SWT1: variants seen among roughly 807,000 people sequenced by gnomAD.
The protein encoded by SWT1 is SWT1 RNA endoribonuclease homolog, also known as transcriptional protein SWT1.
A neutral mutation model predicts 107.3 loss-of-function variants in SWT1; 33 were observed. That is an observed-to-expected ratio of 0.31 (90% CI 0.23 to 0.41). SWT1 has a LOEUF of 0.41. Ranked by LOEUF, SWT1 falls within the 10% of genes least tolerant of loss-of-function variation. The pLI, the probability that SWT1 is intolerant of heterozygous loss-of-function variation, is 1.00. For missense variants in SWT1, 898 were observed against 1,028.9 expected, an observed-to-expected ratio of 0.87 and a Z score of 1.74; for synonymous variants, 345 against 348.3, an observed-to-expected ratio of 0.99 and a Z score of 0.11.
chr1:185,207,454 A>G (rs1421330890), intron 13 of SWT1, among the ~76,000 whole-genome samples: 4 of 152,224 alleles, frequency 2.6e-5, no homozygotes, highest in East Asian at 1.9e-4. Context: ...TGGAGATTCT[A>G]TATAGGACTT....
chr1:185,287,273 C>T lies in SWT1; in HGVS notation c.2574-3401C>T, dbSNP rs569316221. Among the ~76,000 whole-genome samples, 20 of 152,084 alleles carry T rather than the reference C, an allele frequency of 1.3e-4. No individual in the cohort carries two copies. In the East Asian group the frequency reaches 2.1e-3, roughly 16 times the overall value. On this transcript the variant is annotated intron_variant, in intron 18 of 18. Coordinates refer to ENST00000367500, the MANE Select transcript of SWT1 (RefSeq NM_017673.7). ...GATAAAATTTCTAGTTATTTTGACC[C>T]GAGATTTGGTCAAAGCAAATTTGAT...
chr1:185,195,931 A>T (rs977331393), intron 10 of SWT1, among the ~76,000 whole-genome samples: 1 of 152,314 alleles, frequency 6.6e-6, no homozygotes, highest in East Asian at 1.9e-4. Flanking sequence ...AATTTCTCAC[A>T]TTCTGTAGGT....
At chr1:185,259,105 T>C (rs917643663) in intron 16 of SWT1, among the ~76,000 whole-genome samples, 1 of 152,148 alleles carries the variant, frequency 6.6e-6, no homozygotes, top group African/African-American at 2.4e-5. Flanking sequence ...ACATAATACC[T>C]TTATGTTACT....
intron 2 of SWT1, among the ~76,000 whole-genome samples, chr1:185,162,278 T>C (rs1654215999): frequency 6.6e-6 from 1 of 152,230 alleles, no homozygotes; most frequent in Non-Finnish European, 1.5e-5. Context: ...GTTTCTGTGT[T>C]GCTAAATCCA....
At chr1:185,232,664 A>G (rs1257826754) in intron 16 of SWT1, among the ~76,000 whole-genome samples, 3 of 152,146 alleles carry the variant, frequency 2.0e-5, no homozygotes, top group East Asian at 3.9e-4. Context: ...AGCAGTTTCC[A>G]TTTTATCTGA....
At chr1:185,276,555 C>G (rs1257548834) in intron 17 of SWT1, 49 bp from the exon 18 acceptor site, 10 of 1,128,308 alleles carry the variant, frequency 8.9e-6, no homozygotes, top group Non-Finnish European at 1.3e-5. Context: ...TTGCTGTCAT[C>G]ACTCACTTTA....
intron 1 of SWT1, among the ~76,000 whole-genome samples, chr1:185,158,770 A>G (rs1312865622): frequency 6.6e-6 from 1 of 152,210 alleles, no homozygotes; most frequent in Non-Finnish European, 1.5e-5. Context: ...GCTACTGCAT[A>G]AGTTATACCA....
intron 3 of SWT1, among the ~76,000 whole-genome samples, chr1:185,166,896 A>T (rs1654620839): frequency 6.6e-6 from 1 of 152,020 alleles, no homozygotes; most frequent in African/African-American, 2.4e-5. Context: ...TCTCACATAT[A>T]TATGGTTTTA....
chr1:185,240,420 AGAGG>A (rs1319461269), intron 16 of SWT1, among the ~76,000 whole-genome samples: 1 of 152,006 alleles, frequency 6.6e-6, no homozygotes, highest in African/African-American at 2.4e-5. Context: ...GGAAAGAGGC[AGAGG>A]GAATTTCTAT....
chr1:185,249,067 T>C (rs971015475), intron 16 of SWT1, among the ~76,000 whole-genome samples: 5 of 152,180 alleles, frequency 3.3e-5, no homozygotes, highest in African/African-American at 1.2e-4. Flanking sequence ...ATTCAGATAG[T>C]GTCTGGATCT....
intron 10 of SWT1, among the ~76,000 whole-genome samples, chr1:185,199,239 C>T (rs1657668300): frequency 6.6e-6 from 1 of 152,068 alleles, no homozygotes; most frequent in Admixed American, 6.6e-5. Context: ...CCTGGCCTAG[C>T]CCATTTACAT....
At chr1:185,173,530 CA>C (rs869052260) in intron 4 of SWT1, among the ~76,000 whole-genome samples, 9,223 of 96,556 alleles carry the variant, frequency 0.096, 955 homozygotes, top group African/African-American at 0.3. Context: ...CTGTCTCTAC[CA>C]AAAAAAAAAA....
chr1:185,234,486 T>TTTTGAGC (rs1660722976), intron 16 of SWT1, among the ~76,000 whole-genome samples: 1 of 152,206 alleles, frequency 6.6e-6, no homozygotes, highest in African/African-American at 2.4e-5. Context: ...CATCCCTTTA[T>TTTTGAGC]TTTGAGCCTG....
intron 10 of SWT1, among the ~76,000 whole-genome samples, chr1:185,194,996 T>C (rs1224030497): frequency 1.3e-5 from 2 of 152,170 alleles, no homozygotes; most frequent in Non-Finnish European, 2.9e-5. Context: ...CCTTTAACTT[T>C]CTTTTTATTA....
chr1:185,208,317 A>G (rs1487355568), intron 13 of SWT1, among the ~76,000 whole-genome samples: 1 of 152,134 alleles, frequency 6.6e-6, no homozygotes, highest in Non-Finnish European at 1.5e-5. Context: ...TTGTTCTCAG[A>G]GGAGTAAAGG....
At chr1:185,236,843 A>G (rs1340147736) in intron 16 of SWT1, among the ~76,000 whole-genome samples, 1 of 152,138 alleles carries the variant, frequency 6.6e-6, no homozygotes, top group Non-Finnish European at 1.5e-5. Flanking sequence ...TCCAGAATAT[A>G]CAAAGAACTT....
At chr1:185,231,284 A>G (rs1002734891) in intron 15 of SWT1, among the ~76,000 whole-genome samples, 3 of 152,208 alleles carry the variant, frequency 2.0e-5, no homozygotes, top group Non-Finnish European at 4.4e-5. Flanking sequence ...GCAGATGGAT[A>G]GCATTACTTC....
Position 185,211,666 on chromosome 1 carries a change from G to C in SWT1, c.1973-2841G>C, listed in dbSNP as rs143296925. Reference sequence around the variant, plus strand: ...AGTGTGACGATTCCTCAGGGTTCTAGAACTAGAAATACCATTTGACTCAGC... The same window carrying C: ...AGTGTGACGATTCCTCAGGGTTCTACAACTAGAAATACCATTTGACTCAGC... On this transcript the variant is annotated intron_variant, in intron 13 of 18. Coordinates refer to ENST00000367500, the MANE Select transcript of SWT1 (RefSeq NM_017673.7). Among the ~76,000 whole-genome samples, 10 of 152,296 alleles carry C rather than the reference G, an allele frequency of 6.6e-5. No homozygotes were observed. In the East Asian group the frequency reaches 1.7e-3, roughly 26 times the overall value.
intron 13 of SWT1, among the ~76,000 whole-genome samples, chr1:185,208,742 C>CTTTTTTTTTT (rs11444869): frequency 7.0e-6 from 1 of 142,762 alleles, no homozygotes. Context: ...CGATGAATAT[C>CTTTTTTTTTT]TTTTTTTTTT....
Sources: gnomAD v4.1 joint callset for allele counts (sites outside exome capture counted in the v4.1 genomes callset) on GRCh38, gnomAD v4.1.1 for gene constraint, MANE v1.5 for transcripts, NCBI Gene and HGNC (gene_info 2026-07-23, HGNC 2026-07-21) for gene names.